ROR1: variants seen among roughly 807,000 people sequenced by gnomAD.
ROR1 encodes inactive tyrosine-protein kinase transmembrane receptor ROR1.
Under a neutral mutation model 78.8 loss-of-function variants are expected in ROR1, and 19 were observed. The observed-to-expected ratio is 0.24, with a 90% CI of 0.17 to 0.35. The LOEUF (loss-of-function observed/expected upper bound fraction) is 0.35, where lower values mean the gene tolerates loss of function less well. ROR1 is among the 10% of genes least tolerant of loss of function. ROR1 has a pLI of 1.00. For missense variants in ROR1, 917 were observed against 1,177.8 expected (o/e 0.78, Z 3.24); for synonymous variants, 386 against 433.6 (o/e 0.89, Z 1.36).
chr1:63,884,574 A>G (rs979090972), intron 1 of ROR1, among the ~76,000 whole-genome samples: 1 of 152,188 alleles, frequency 6.6e-6, no homozygotes, highest in Non-Finnish European at 1.5e-5. Context: ...TTCATAAACC[A>G]GGGATCCTTT....
intron 4 of ROR1, among the ~76,000 whole-genome samples, chr1:64,087,446 T>C (rs1277133961): frequency 6.6e-6 from 1 of 152,242 alleles, no homozygotes; most frequent in Non-Finnish European, 1.5e-5. Flanking sequence ...GGCCAGAGCA[T>C]GGCCCAGTTG....
At chr1:64,151,870 G>A (rs979978464) in intron 7 of ROR1, among the ~76,000 whole-genome samples, 5 of 120,090 alleles carry the variant, frequency 4.2e-5, no homozygotes, top group East Asian at 2.5e-4. Flanking sequence ...GTGACAGAGC[G>A]ACACTCCGTC....
At chr1:64,031,159 C>T (rs530737868) in intron 2 of ROR1, among the ~76,000 whole-genome samples, 28 of 152,308 alleles carry the variant, frequency 1.8e-4, no homozygotes, top group East Asian at 5.8e-4. Flanking sequence ...TGAGCCACCA[C>T]GCCCAGCTTC....
At chr1:63,981,896 A>C (rs906475132) in intron 1 of ROR1, among the ~76,000 whole-genome samples, 12 of 152,106 alleles carry the variant, frequency 7.9e-5, no homozygotes, top group African/African-American at 2.9e-4. Flanking sequence ...CTCAAAAGTG[A>C]ATCAAGCCCA....
At chr1:63,893,126 G>A (rs967470631) in intron 1 of ROR1, among the ~76,000 whole-genome samples, 4 of 152,146 alleles carry the variant, frequency 2.6e-5, no homozygotes, top group African/African-American at 4.8e-5. Flanking sequence ...AGGGGAGATT[G>A]TGCATGTTTC....
chr1:63,941,963 AT>A (rs1553146117), intron 1 of ROR1, among the ~76,000 whole-genome samples: 1 of 152,170 alleles, frequency 6.6e-6, no homozygotes, highest in Non-Finnish European at 1.5e-5. Flanking sequence ...AATTATCTCC[AT>A]TTTACAGAGG....
intron 4 of ROR1, among the ~76,000 whole-genome samples, chr1:64,079,687 G>C (rs1647084258): frequency 6.6e-6 from 1 of 152,014 alleles, no homozygotes; most frequent in South Asian, 2.1e-4. Context: ...TCACCATGTT[G>C]GCCAGGCTGG....
chr1:63,992,992 A>G (rs1646308177), intron 1 of ROR1, among the ~76,000 whole-genome samples: 1 of 152,204 alleles, frequency 6.6e-6, no homozygotes, highest in African/African-American at 2.4e-5. Context: ...AGCAAATATT[A>G]GATACCTAAT....
At chr1:64,005,255 A>T (rs991438473) in intron 1 of ROR1, among the ~76,000 whole-genome samples, 1 of 152,238 alleles carries the variant, frequency 6.6e-6, no homozygotes, top group Non-Finnish European at 1.5e-5. Flanking sequence ...GACACTGTAC[A>T]GGAGTCTTTT....
intron 1 of ROR1, among the ~76,000 whole-genome samples, chr1:63,991,097 G>T (rs890723175): frequency 1.3e-5 from 1 of 76,212 alleles, no homozygotes; most frequent in Non-Finnish European, 3.9e-5. Context: ...TTGTTTGTTT[G>T]TTTTTTGTTT....
At chr1:63,981,520 C>T (rs1646210026) in intron 1 of ROR1, among the ~76,000 whole-genome samples, 1 of 152,130 alleles carries the variant, frequency 6.6e-6, no homozygotes, top group Admixed American at 6.5e-5. Flanking sequence ...CCTATGTTAT[C>T]TTATGAAATA....
intron 7 of ROR1, 51 bp from the exon 8 acceptor site, chr1:64,158,930 C>T (rs1171396819): frequency 1.5e-6 from 2 of 1,321,654 alleles, no homozygotes; most frequent in Admixed American, 3.4e-5. Flanking sequence ...TAATATTATG[C>T]ATGTTACTTT....
chr1:64,039,053 G>T (rs1014252337), intron 2 of ROR1, among the ~76,000 whole-genome samples: 8 of 152,160 alleles, frequency 5.3e-5, no homozygotes, highest in Non-Finnish European at 1.5e-5. Context: ...AGGCAAAACC[G>T]CCCCATTCAT....
At position 63,812,065 on chromosome 1, in the gene ROR1, A is replaced by G. The variant is rs368060245; in HGVS notation, c.91+37557A>G. 3.4e-3 allele frequency among the ~76,000 whole-genome samples: 522 copies of G among 151,398 alleles called. 3 individuals are homozygous for G. Among genetic ancestry groups the G allele is most frequent in the African/African-American group, 0.012 (487 of 41,054 alleles). ...AACCGCCACCTCCCGGGTTCAAGCA[A>G]TTCTCCTGCCTCAGCCTCTCCAGTA... On this transcript the variant is annotated intron_variant, in intron 1 of 8. Coordinates refer to ENST00000371079, the MANE Select transcript of ROR1 (RefSeq NM_005012.4).
chr1:63,824,000 G>A (rs113299318), intron 1 of ROR1, among the ~76,000 whole-genome samples: 13 of 151,910 alleles, frequency 8.6e-5, no homozygotes, highest in African/African-American at 2.7e-4. Flanking sequence ...CACCCACCTC[G>A]GCCTCCCAAA....
At chr1:64,050,116 G>T in intron 3 of ROR1, 138 bp downstream of exon 3, 2 of 966,046 alleles carry the variant, frequency 2.1e-6, no homozygotes, top group South Asian at 3.3e-5. Flanking sequence ...AACCTGGTAT[G>T]GTTGTACCCA....
chr1:64,051,043 AG>A (rs1646824238), intron 4 of ROR1, among the ~76,000 whole-genome samples: 2 of 152,158 alleles, frequency 1.3e-5, no homozygotes, highest in South Asian at 4.1e-4. Context: ...GTGCTGGCAT[AG>A]GAACCTTTAC....
At chr1:63,967,315 A>G (rs915490061) in intron 1 of ROR1, among the ~76,000 whole-genome samples, 2 of 152,190 alleles carry the variant, frequency 1.3e-5, no homozygotes, top group East Asian at 3.8e-4. Context: ...ATTCCTGCAT[A>G]CAAGGTGAAG....
intron 1 of ROR1, among the ~76,000 whole-genome samples, chr1:63,909,103 G>C (rs1645549482): frequency 6.6e-6 from 1 of 152,102 alleles, no homozygotes; most frequent in South Asian, 2.1e-4. Flanking sequence ...AGTAACTAAT[G>C]CACCACTCTA....
Sources: gnomAD v4.1 joint callset for allele counts (sites outside exome capture counted in the v4.1 genomes callset) on GRCh38, gnomAD v4.1.1 for gene constraint, MANE v1.5 for transcripts, NCBI Gene and HGNC (gene_info 2026-07-23, HGNC 2026-07-21) for gene names.